TMEM106C: variants seen among roughly 807,000 people sequenced by gnomAD.
TMEM106C encodes endoplasmic reticulum membrane protein overexpressed in cancer.
TMEM106C carries 27 observed loss-of-function variants against 30.8 expected under a neutral mutation model. The ratio of observed to expected loss-of-function variants is 0.88; its 90% CI spans 0.65 to 1.21. The LOEUF is 1.21. Ranked by LOEUF, TMEM106C falls within the 50% of genes most tolerant of loss-of-function variation. TMEM106C has a pLI of 0.00. For missense variants in TMEM106C, 288 were observed against 307.8 expected, an observed-to-expected ratio of 0.94 and a Z score of 0.48; for synonymous variants, 123 against 118.8, an observed-to-expected ratio of 1.04 and a Z score of -0.23.
intron 1 of TMEM106C, 189 bp downstream of exon 1, chr12:47,963,893 G>A (rs1319095694): frequency 2.6e-6 from 1 of 381,904 alleles, no homozygotes. Context: ...CTTACAAATA[G>A]TGAAGAGGAA....
At chr12:47,964,038 G>C in intron 1 of TMEM106C, 171 bp from the exon 2 acceptor site, 1 of 606,208 alleles carries the variant, frequency 1.6e-6, no homozygotes, top group Non-Finnish European at 2.9e-6. Context: ...TAAGAGGAGA[G>C]TGGGTAGCAC....
In TMEM106C at chr12:47,964,224, G is replaced by T; in HGVS notation, c.-13G>T. Reference sequence around the variant, plus strand: ...TTCATCTTAGGACATGACACCAGTGGCATATCACGGCCATGGGGTCTCAGC... The same window carrying T: ...TTCATCTTAGGACATGACACCAGTGTCATATCACGGCCATGGGGTCTCAGC... On this transcript the variant is annotated 5_prime_UTR_variant, in exon 2 of 8. Transcript: ENST00000429772. 1.2e-6 allele frequency: 2 copies of T among 1,610,428 alleles called. No individual in the cohort carries two copies. Among genetic ancestry groups the T allele is most frequent in the Non-Finnish European group, 1.7e-6 (2 of 1,178,144 alleles).
At chr12:47,965,502 A>G (rs1209662809) in intron 3 of TMEM106C, 157 bp downstream of exon 3, 2 of 708,634 alleles carry the variant, frequency 2.8e-6, no homozygotes, top group East Asian at 2.7e-5. Context: ...CTCTGCCCCC[A>G]TCACAATCTG....
At chr12:47,964,790 C>T (rs1938164841) in intron 2 of TMEM106C, 1 of 327,034 alleles carries the variant, frequency 3.1e-6, no homozygotes, top group Non-Finnish European at 5.8e-6. Flanking sequence ...GTAGCTAATC[C>T]TTAACAGCCT....
intron 5 of TMEM106C, 141 bp downstream of exon 5, chr12:47,966,370 C>T (rs975876059): frequency 5.3e-6 from 5 of 949,252 alleles, no homozygotes; most frequent in African/African-American, 5.0e-5. Flanking sequence ...ACCTGTTGGG[C>T]CCTGTAATTA....
At chr12:47,967,098 G>T in intron 6 of TMEM106C, 110 bp from the exon 7 acceptor site, 3 of 1,100,908 alleles carry the variant, frequency 2.7e-6, no homozygotes, top group Admixed American at 1.7e-5. Flanking sequence ...GCAGCACTTA[G>T]GTCGGAAGGG....
At chr12:47,965,014 C>T (rs1222128891) in intron 2 of TMEM106C, among the ~76,000 whole-genome samples, 2 of 152,172 alleles carry the variant, frequency 1.3e-5, no homozygotes, top group African/African-American at 4.8e-5. Context: ...AGAGATTCGA[C>T]GACTCTGCCA....
At chr12:47,966,284 C>T in intron 5 of TMEM106C, 55 bp downstream of exon 5, 1 of 1,590,998 alleles carries the variant, frequency 6.3e-7, no homozygotes, top group South Asian at 1.1e-5. Flanking sequence ...GAGTAGGGGG[C>T]TGTAGGAATG....
intron 7 of TMEM106C, among the ~76,000 whole-genome samples, 178 bp downstream of exon 7, chr12:47,967,439 C>G (rs1290502015): frequency 6.6e-6 from 1 of 152,232 alleles, no homozygotes; most frequent in Admixed American, 6.5e-5. Context: ...TCCACATGCC[C>G]TTCACAAATC....
intron 1 of TMEM106C, 40 bp from the exon 2 acceptor site, chr12:47,964,169 C>T: frequency 6.6e-7 from 1 of 1,525,476 alleles, no homozygotes; most frequent in South Asian, 1.2e-5. Context: ...TGTCGTGATT[C>T]ACTGGGGCCG....
chr12:47,964,262 C>A lies in TMEM106C; in HGVS notation c.26C>A (p.Ala9Asp). MGSQHSAA[A>D]RPSSCRRKQE... ...ATGGGGTCTCAGCATTCCGCTGCTG[C>A]TCGCCCCTCCTCCTGCAGGCGAAAG... Residue 9 changes from alanine (A) to aspartate (D), a missense_variant, in exon 2 of 8, where the codon GCT (alanine) becomes GAT (aspartate). Transcript: ENST00000429772. The A allele has an allele frequency of 6.2e-7, 1 of 1,613,646 alleles. No homozygotes were observed. The highest frequency in any genetic ancestry group is 8.5e-7 in the Non-Finnish European group (1 of 1,179,788).
intron 5 of TMEM106C, 53 bp from the exon 6 acceptor site, chr12:47,966,630 G>A: frequency 6.3e-7 from 1 of 1,589,876 alleles, no homozygotes; most frequent in Non-Finnish European, 8.6e-7. Context: ...TAATAATACT[G>A]TTCTGTGTCA....
chr12:47,965,178 G>GTCTC (rs1231488713), intron 2 of TMEM106C, 104 bp from the exon 3 acceptor site: 1 of 888,126 alleles, frequency 1.1e-6, no homozygotes, highest in Non-Finnish European at 1.8e-6. Context: ...TTTTTAAAAT[G>GTCTC]TCTCATTCCA....
At position 47,965,976 on chromosome 12, in the gene TMEM106C, C is replaced by T. The variant is rs1938208526; in HGVS notation, c.390C>T (p.Ser130=). ...VVKVTFNKQD[S]LVILTIMATL... is the part of the protein sequence containing the mutation. ...AAGTCACATTTAATAAGCAAGACTC[C>T]CTTGTAATTCTCACCATCATGGTAA... The change falls in exon 4 of 8, where the codon TCC becomes TCT. Residue 130 remains serine (S), a synonymous_variant. Transcript: ENST00000429772. 6.2e-7 allele frequency: 1 copy of T among 1,614,056 alleles called. No homozygotes were observed. The highest frequency in any genetic ancestry group is 1.7e-5 in the Admixed American group (1 of 60,006).
chr12:47,964,247 A>G lies in TMEM106C; in HGVS notation c.11A>G (p.Gln4Arg). The change falls in exon 2 of 8, where the codon CAG (glutamine) becomes CGG (arginine). Residue 4 changes from glutamine to arginine, a missense_variant. Physicochemically the swap from Gln to Arg is conservative, Grantham distance 43 (BLOSUM62 1). Transcript: ENST00000429772. MGS[Q>R]HSAAARPSSC... ...TGGCATATCACGGCCATGGGGTCTC[A>G]GCATTCCGCTGCTGCTCGCCCCTCC... 1 of 1,613,072 alleles carries G rather than the reference A, an allele frequency of 6.2e-7. No homozygotes were observed. Among genetic ancestry groups the G allele is most frequent in the Non-Finnish European group, 8.5e-7 (1 of 1,179,504 alleles).
At chr12:47,966,787 G>T (rs916170915) in intron 6 of TMEM106C, 55 bp downstream of exon 6, 6 of 1,595,500 alleles carry the variant, frequency 3.8e-6, no homozygotes, top group Non-Finnish European at 5.2e-6. Context: ...GGGATTCAAA[G>T]TCATACTCCA....
intron 3 of TMEM106C, 134 bp downstream of exon 3, chr12:47,965,479 C>T: frequency 1.2e-6 from 1 of 848,854 alleles, no homozygotes; most frequent in Non-Finnish European, 1.9e-6. Context: ...AACTGTTTGC[C>T]CAAGCAAGAT....
At chr12:47,966,580 C>A in intron 5 of TMEM106C, 103 bp from the exon 6 acceptor site, 1 of 1,258,648 alleles carries the variant, frequency 7.9e-7, no homozygotes, top group Non-Finnish European at 1.2e-6. Context: ...AAGTATTTTG[C>A]ATGTGATGGA....
In TMEM106C at chr12:47,968,308, A is replaced by T; in HGVS notation, c.*79A>T. 9.0e-7 allele frequency: 1 copy of T among 1,116,566 alleles called. No homozygotes were observed. Among genetic ancestry groups the T allele is most frequent in the South Asian group, 1.2e-5 (1 of 80,644 alleles). 69.2% of individuals were successfully genotyped at this position (1,116,566 alleles called of 1,614,324 possible). The stretch of plus-strand genomic sequence containing the variant: ...TTCCCAAGGCCTGAGTTCTGGACCT[A>T]CCCCCACGTGGTGTAAGCAGAGGAG... On this transcript the variant is annotated 3_prime_UTR_variant, in exon 8 of 8. Transcript: ENST00000429772.
Sources: gnomAD v4.1 joint callset for allele counts (sites outside exome capture counted in the v4.1 genomes callset) on GRCh38, gnomAD v4.1.1 for gene constraint, MANE v1.5 for transcripts, NCBI Gene and HGNC (gene_info 2026-07-23, HGNC 2026-07-21) for gene names.